Variants in ERC2 observed in about 807,000 individuals in gnomAD.
ERC2 encodes ELKS/RAB6-interacting/CAST family member 2, also known as ERC protein 2.
Under a neutral mutation model 114.8 loss-of-function variants are expected in ERC2, and 42 were observed. The ratio of observed to expected loss-of-function variants is 0.37; its 90% confidence interval spans 0.29 to 0.47. The LOEUF is 0.47. Ranked by LOEUF, ERC2 falls within the 20% of genes least tolerant of loss-of-function variation. The probability of loss-of-function intolerance (pLI) is 0.99; values close to 1 mark genes in which losing one functional copy is unlikely to be tolerated. For missense variants in ERC2, 939 were observed against 1,150.7 expected, an observed-to-expected ratio of 0.82 and a Z score of 2.66; for synonymous variants, 454 against 425.5, an observed-to-expected ratio of 1.07 and a Z score of -0.82.
intron 7 of ERC2, among the ~76,000 whole-genome samples, chr3:56,035,829 C>G (rs2074758343): frequency 6.6e-6 from 1 of 152,126 alleles, no homozygotes; most frequent in Non-Finnish European, 1.5e-5. Context: ...GCAGCATGAA[C>G]AAACGAAAAC....
chr3:56,463,967 A>G (rs1577079196), intron 1 of ERC2, among the ~76,000 whole-genome samples: 1 of 152,374 alleles, frequency 6.6e-6, no homozygotes, highest in East Asian at 1.9e-4. Flanking sequence ...TAATAATTTA[A>G]GTAATTCATG....
At chr3:56,289,576 CAG>C (rs1385833102) in intron 3 of ERC2, among the ~76,000 whole-genome samples, 1 of 152,190 alleles carries the variant, frequency 6.6e-6, no homozygotes, top group Non-Finnish European at 1.5e-5. Flanking sequence ...CACTGAAAGG[CAG>C]AGTTTCAGCT....
intron 3 of ERC2, among the ~76,000 whole-genome samples, chr3:56,272,763 C>T (rs959329069): frequency 6.6e-6 from 1 of 152,050 alleles, no homozygotes; most frequent in Non-Finnish European, 1.5e-5. Flanking sequence ...GAGATTTTGT[C>T]TCAATAATAA....
At chr3:55,957,951 G>A (rs370360059) in intron 12 of ERC2, among the ~76,000 whole-genome samples, 2 of 152,186 alleles carry the variant, frequency 1.3e-5, no homozygotes, top group Non-Finnish European at 2.9e-5. Context: ...CCTTCTCACC[G>A]CCCACTATAT....
At chr3:55,684,574 G>T (rs2148780794) in intron 16 of ERC2, among the ~76,000 whole-genome samples, 1 of 152,348 alleles carries the variant, frequency 6.6e-6, no homozygotes, top group East Asian at 1.9e-4. Flanking sequence ...TCAGTAGAAT[G>T]CTTGTAGAAA....
intron 17 of ERC2, among the ~76,000 whole-genome samples, chr3:55,555,484 C>T (rs986309512): frequency 6.6e-6 from 1 of 152,154 alleles, no homozygotes; most frequent in African/African-American, 2.4e-5. Context: ...AAATGGGTAC[C>T]AGGGCCGCTT....
At chr3:55,541,606 G>A (rs2054399460) in intron 17 of ERC2, among the ~76,000 whole-genome samples, 4 of 152,120 alleles carry the variant, frequency 2.6e-5, no homozygotes, top group Admixed American at 2.6e-4. Context: ...TTCATGGGAA[G>A]GTTTAACAAT....
chr3:55,668,511 G>A (rs2061440139), intron 17 of ERC2, among the ~76,000 whole-genome samples: 1 of 152,202 alleles, frequency 6.6e-6, no homozygotes, highest in Admixed American at 6.5e-5. Context: ...GTCATGACTT[G>A]GATTCCATGG....
At chr3:55,905,467 C>T (rs1280832785) in intron 13 of ERC2, among the ~76,000 whole-genome samples, 1 of 150,760 alleles carries the variant, frequency 6.6e-6, no homozygotes, top group African/African-American at 2.4e-5. Context: ...GCATCCCTCC[C>T]GCCCCCTCCC....
At chr3:56,441,252 A>G (rs532298049) in intron 1 of ERC2, among the ~76,000 whole-genome samples, 65 of 152,320 alleles carry the variant, frequency 4.3e-4, no homozygotes, top group Admixed American at 5.9e-4. Flanking sequence ...AAGAGTCAGC[A>G]CCAAAACACC....
chr3:55,896,484 C>T (rs1348928122), intron 13 of ERC2, among the ~76,000 whole-genome samples: 3 of 152,210 alleles, frequency 2.0e-5, no homozygotes, highest in African/African-American at 7.2e-5. Flanking sequence ...GAAAGCAACC[C>T]ATTTGTCTCT....
intron 14 of ERC2, among the ~76,000 whole-genome samples, chr3:55,875,387 G>C (rs572262898): frequency 6.6e-6 from 1 of 152,174 alleles, no homozygotes; most frequent in African/African-American, 2.4e-5. Context: ...GAAGCATCAG[G>C]GGTGAGGTAA....
chr3:56,083,928 G>A (rs1469237434), intron 6 of ERC2, among the ~76,000 whole-genome samples: 2 of 151,832 alleles, frequency 1.3e-5, no homozygotes, highest in East Asian at 3.9e-4. Context: ...TGGAACAGGG[G>A]AAGTAAAGGA....
At chr3:55,799,461 A>C (rs1447913856) in intron 14 of ERC2, among the ~76,000 whole-genome samples, 10 of 95,956 alleles carry the variant, frequency 1.0e-4, no homozygotes, top group Admixed American at 3.3e-4. Context: ...ATATATATAT[A>C]TATATATATA....
In ERC2 at chr3:56,055,631, G is replaced by A. The variant is rs1393032817; in HGVS notation, c.1641+25186C>T. 3.9e-5 allele frequency among the ~76,000 whole-genome samples: 6 copies of A among 152,170 alleles called. No homozygotes were observed. The East Asian group carries it at 1.2e-3, about 29-fold the overall frequency. Reference sequence around the variant, plus strand: ...TACTAGAATGTCCCGTATAACAGGCGAGACAGACAAACTGCAGAGGTAATG... The same window carrying A: ...TACTAGAATGTCCCGTATAACAGGCAAGACAGACAAACTGCAGAGGTAATG... On this transcript the variant is annotated intron_variant, in intron 7 of 17. Coordinates refer to ENST00000288221, the MANE Select transcript of ERC2 (RefSeq NM_015576.3).
intron 15 of ERC2, among the ~76,000 whole-genome samples, chr3:55,713,131 T>TCACA (rs10656961): frequency 0.25 from 34,872 of 138,884 alleles, 4,516 homozygotes; most frequent in Admixed American, 0.34. Flanking sequence ...TCTCTCTGTC[T>TCACA]CACACACACA....
At chr3:55,554,525 T>TCTC (rs1559645140) in intron 17 of ERC2, among the ~76,000 whole-genome samples, 1 of 152,174 alleles carries the variant, frequency 6.6e-6, no homozygotes, top group Non-Finnish European at 1.5e-5. Flanking sequence ...CACAGGCCTG[T>TCTC]TTTTAGGAGA....
At chr3:55,719,925 T>C (rs188578516) in intron 15 of ERC2, among the ~76,000 whole-genome samples, 7 of 151,558 alleles carry the variant, frequency 4.6e-5, no homozygotes, top group African/African-American at 1.7e-4. Context: ...GAACCCATCC[T>C]GAACTGGGTT....
rs76097294 is a variant in ERC2 at position 55,962,976 on chromosome 3, G to A, written c.2268-12416C>T. Among the ~76,000 whole-genome samples the A allele has an allele frequency of 5.4e-3, 817 of 152,258 alleles. 10 individuals carry two copies. Among genetic ancestry groups the A allele is most frequent in the African/African-American group, 0.019 (782 of 41,548 alleles). Reference sequence around the variant, plus strand: ...CACACCACTCCAAACTTCACAGGACGCCCCTGGCCAGTAGCTTGGTTGACT... The same window carrying A: ...CACACCACTCCAAACTTCACAGGACACCCCTGGCCAGTAGCTTGGTTGACT... On this transcript the variant is annotated intron_variant, in intron 12 of 17. Transcript: ENST00000288221.
Sources: allele counts gnomAD v4.1 joint callset (sites outside exome capture counted in the v4.1 genomes callset), GRCh38; gene constraint gnomAD v4.1.1; transcripts MANE v1.5; gene names NCBI Gene and HGNC (gene_info 2026-07-23, HGNC 2026-07-21).